KCNH1: variants seen among roughly 807,000 people sequenced by gnomAD.
The protein encoded by KCNH1 is potassium voltage-gated channel subfamily H member 1, also known as voltage-gated delayed rectifier potassium channel KCNH1.
A neutral mutation model predicts 69.2 loss-of-function variants in KCNH1; 27 were observed. That is an observed-to-expected ratio of 0.39 (90% CI 0.29 to 0.54). The LOEUF (loss-of-function observed/expected upper bound fraction) is 0.54. Among genes scored for constraint, KCNH1 ranks in the 20% least tolerant of loss-of-function variants. The probability of loss-of-function intolerance (pLI) is 0.68; values close to 1 mark genes in which losing one functional copy is unlikely to be tolerated. For synonymous variants in KCNH1, 456 were observed against 487.7 expected, an observed-to-expected ratio of 0.93 and a Z score of 0.86; for missense variants, 798 against 1,261.6, an observed-to-expected ratio of 0.63 and a Z score of 5.57.
intron 8 of KCNH1, among the ~76,000 whole-genome samples, chr1:210,799,268 G>T (rs1684383869): frequency 6.6e-6 from 1 of 152,158 alleles, no homozygotes; most frequent in Admixed American, 6.5e-5. Context: ...ACACAAGGAA[G>T]ATAAATAACT....
chr1:210,868,326 C>T (rs1686160302), intron 7 of KCNH1, among the ~76,000 whole-genome samples: 1 of 151,742 alleles, frequency 6.6e-6, no homozygotes, highest in Admixed American at 6.6e-5. Context: ...TTTTTTAATA[C>T]ATTCTGGATT....
intron 7 of KCNH1, among the ~76,000 whole-genome samples, chr1:210,884,908 G>C (rs1686570307): frequency 6.6e-6 from 1 of 152,200 alleles, no homozygotes; most frequent in Non-Finnish European, 1.5e-5. Flanking sequence ...GGCCTACTGT[G>C]AGTCAACTTT....
chr1:210,936,563 A>G lies in KCNH1; in HGVS notation c.1033-16494T>C, dbSNP rs183805227. ...TACCACACCCTCTTTACTGCTATCT[A>G]ATTATGAATGGGTAACATCTGTTTA... is the stretch of plus-strand genomic sequence containing the variant. On this transcript the variant is annotated intron_variant, in intron 6 of 10. Transcript: ENST00000271751. 2.6e-5 allele frequency among the ~76,000 whole-genome samples: 4 copies of G among 152,312 alleles called. No individual in the cohort carries two copies. In the East Asian group the frequency reaches 7.7e-4, roughly 29 times the overall value.
chr1:211,120,378 C>T (rs549517299), intron 1 of KCNH1, among the ~76,000 whole-genome samples: 7 of 151,864 alleles, frequency 4.6e-5, no homozygotes, highest in South Asian at 2.1e-4. Flanking sequence ...TTAGTAGAGA[C>T]GGGATTTCAC....
chr1:210,801,828 G>T (rs768641347), intron 8 of KCNH1, among the ~76,000 whole-genome samples: 2 of 152,206 alleles, frequency 1.3e-5, no homozygotes, highest in Non-Finnish European at 2.9e-5. Flanking sequence ...CAAAAGCAGC[G>T]ACTAAGTTCA....
chr1:210,761,940 A>G (rs958022115), intron 10 of KCNH1, among the ~76,000 whole-genome samples: 5 of 152,200 alleles, frequency 3.3e-5, no homozygotes, highest in African/African-American at 1.2e-4. Flanking sequence ...ACCACACAGT[A>G]TACATTCTTC....
intron 7 of KCNH1, among the ~76,000 whole-genome samples, chr1:210,825,822 C>T (rs1685020390): frequency 6.6e-6 from 1 of 152,168 alleles, no homozygotes; most frequent in Admixed American, 6.5e-5. Context: ...GGTGTTCATG[C>T]AAAGTGTGCG....
At chr1:211,130,462 G>C (rs1231115676) in intron 1 of KCNH1, among the ~76,000 whole-genome samples, 1 of 152,170 alleles carries the variant, frequency 6.6e-6, no homozygotes, top group Non-Finnish European at 1.5e-5. Flanking sequence ...CTTGGACCAA[G>C]ATTCACTAGA....
At chr1:211,110,768 G>A (rs1691446565) in intron 1 of KCNH1, among the ~76,000 whole-genome samples, 1 of 151,840 alleles carries the variant, frequency 6.6e-6, no homozygotes, top group South Asian at 2.1e-4. Flanking sequence ...AAATAAGAGA[G>A]TAATATAATT....
At chr1:210,955,445 A>G (rs925480670) in intron 6 of KCNH1, among the ~76,000 whole-genome samples, 1 of 152,162 alleles carries the variant, frequency 6.6e-6, no homozygotes, top group African/African-American at 2.4e-5. Context: ...GAAGAAAGTC[A>G]TTGGTAGCTT....
At chr1:210,952,785 T>C (rs561449242) in intron 6 of KCNH1, among the ~76,000 whole-genome samples, 27 of 152,326 alleles carry the variant, frequency 1.8e-4, no homozygotes, top group African/African-American at 6.5e-4. Flanking sequence ...CCATGTACAG[T>C]TGAGGTTGTA....
intron 7 of KCNH1, among the ~76,000 whole-genome samples, chr1:210,830,341 G>T (rs890396005): frequency 1.3e-5 from 2 of 152,140 alleles, no homozygotes; most frequent in Non-Finnish European, 2.9e-5. Flanking sequence ...ATCAAACCAA[G>T]GATGCCTTCC....
At chr1:210,792,258 C>G (rs1039621073) in intron 9 of KCNH1, among the ~76,000 whole-genome samples, 2 of 152,168 alleles carry the variant, frequency 1.3e-5, no homozygotes, top group African/African-American at 4.8e-5. Context: ...CTGCTAGTCT[C>G]CATGCCTCTG....
intron 10 of KCNH1, among the ~76,000 whole-genome samples, chr1:210,755,047 C>T (rs763094598): frequency 3.3e-5 from 5 of 152,128 alleles, no homozygotes; most frequent in Non-Finnish European, 5.9e-5. Flanking sequence ...GTAGTCGAAG[C>T]TCATGCAGTG....
chr1:210,903,930 C>T (rs1687046058), intron 7 of KCNH1, among the ~76,000 whole-genome samples: 1 of 152,174 alleles, frequency 6.6e-6, no homozygotes, highest in Non-Finnish European at 1.5e-5. Context: ...CTTTCCCATT[C>T]TCGCCCCTAA....
chr1:210,844,805 G>C (rs1216812170), intron 7 of KCNH1, among the ~76,000 whole-genome samples: 2 of 152,048 alleles, frequency 1.3e-5, no homozygotes, highest in Non-Finnish European at 2.9e-5. Flanking sequence ...TTTTTGAAAA[G>C]ATCAACAAAA....
intron 7 of KCNH1, among the ~76,000 whole-genome samples, chr1:210,911,607 C>A (rs2102549985): frequency 2.4e-5 from 3 of 127,478 alleles, no homozygotes; most frequent in South Asian, 2.5e-4. Flanking sequence ...TTCTTTTATA[C>A]TAAAAATAAA....
chr1:210,783,234 C>T (rs1161035831), intron 9 of KCNH1, among the ~76,000 whole-genome samples: 15 of 152,180 alleles, frequency 9.9e-5, no homozygotes, highest in Admixed American at 9.8e-4. Context: ...ACGCAAGGTT[C>T]CCAGGATGTC....
intron 1 of KCNH1, among the ~76,000 whole-genome samples, chr1:211,121,503 T>C (rs905098036): frequency 6.6e-6 from 1 of 152,176 alleles, no homozygotes; most frequent in African/African-American, 2.4e-5. Flanking sequence ...CCAGACCCCT[T>C]CCTTACACCT....
Sources: allele counts gnomAD v4.1 joint callset (sites outside exome capture counted in the v4.1 genomes callset), GRCh38; gene constraint gnomAD v4.1.1; transcripts MANE v1.5; gene names NCBI Gene and HGNC (gene_info 2026-07-23, HGNC 2026-07-21).